RIT2: variants seen among roughly 807,000 people sequenced by gnomAD.
RIT2 encodes the protein Ras like without CAAX 2.
RIT2 carries 24 observed loss-of-function variants against 23.7 expected under a neutral mutation model. The observed-to-expected ratio is 1.01, with a 90% CI of 0.73 to 1.43. The LOEUF (loss-of-function observed/expected upper bound fraction) is 1.43. Among genes scored for constraint, RIT2 ranks in the 40% most tolerant of loss-of-function variants. The pLI, the probability that RIT2 is intolerant of heterozygous loss-of-function variation, is 0.00. For synonymous variants in RIT2, 107 were observed against 91.1 expected, an observed-to-expected ratio of 1.17 and a Z score of -0.99; for missense variants, 236 against 266.9, an observed-to-expected ratio of 0.88 and a Z score of 0.81.
intron 4 of RIT2, among the ~76,000 whole-genome samples, chr18:42,879,262 CT>C (rs1858315576): frequency 6.6e-6 from 1 of 152,078 alleles, no homozygotes; most frequent in Non-Finnish European, 1.5e-5. Context: ...ACATTTTCTC[CT>C]GTATTGTTCT....
chr18:42,751,378 TACAAAC>T (rs1913042043), intron 4 of RIT2, among the ~76,000 whole-genome samples: 1 of 151,870 alleles, frequency 6.6e-6, no homozygotes, highest in African/African-American at 2.4e-5. Context: ...GCATATTTTA[TACAAAC>T]ACATACATAT....
intron 4 of RIT2, among the ~76,000 whole-genome samples, chr18:42,794,963 C>A (rs1488802662): frequency 6.6e-6 from 1 of 152,192 alleles, no homozygotes; most frequent in East Asian, 1.9e-4. Context: ...TTTAATATGT[C>A]AAAGACAGTA....
At chr18:43,057,798 CTT>C (rs11393575) in intron 1 of RIT2, among the ~76,000 whole-genome samples, 25 of 122,632 alleles carry the variant, frequency 2.0e-4, no homozygotes, top group African/African-American at 2.4e-4. Context: ...GTGATGGACA[CTT>C]TTTTTTTTTT....
At chr18:42,963,104 A>C (rs1910129739) in intron 3 of RIT2, among the ~76,000 whole-genome samples, 1 of 152,170 alleles carries the variant, frequency 6.6e-6, no homozygotes, top group Admixed American at 6.5e-5. Context: ...CTAATTGCAG[A>C]ATTGATTTCT....
At chr18:42,836,999 C>T (rs1301262214) in intron 4 of RIT2, among the ~76,000 whole-genome samples, 4 of 152,060 alleles carry the variant, frequency 2.6e-5, no homozygotes, top group African/African-American at 4.8e-5. Context: ...AGACAGCTGT[C>T]GTTTTCTTCT....
chr18:42,925,134 A>G (rs1909149053), intron 3 of RIT2, among the ~76,000 whole-genome samples: 1 of 152,100 alleles, frequency 6.6e-6, no homozygotes, highest in African/African-American at 2.4e-5. Context: ...CATATTACTT[A>G]GCATTAATTT....
Position 43,115,470 on chromosome 18 carries a change from C to T in RIT2, c.50G>A (p.Gly17Glu). Residue 17 changes from glycine to glutamate, a missense_variant, in exon 1 of 5, where the codon GGG (glycine) becomes GAG (glutamate). Transcript: ENST00000326695. ...ASCSPGSASG[G>E]SREYKVVMLG... Reference sequence around the variant, plus strand: ...CATTACCACCTTGTACTCTCTGGACCCGCCTGATGCGCTGCCCGGGGAGCA... The same window carrying T: ...CATTACCACCTTGTACTCTCTGGACTCGCCTGATGCGCTGCCCGGGGAGCA... 6.2e-7 allele frequency: 1 copy of T among 1,613,742 alleles called. No homozygotes were observed. The highest frequency in any genetic ancestry group is 1.3e-5 in the African/African-American group (1 of 75,010).
intron 4 of RIT2, among the ~76,000 whole-genome samples, chr18:42,758,323 T>G (rs1475832395): frequency 1.3e-5 from 2 of 152,166 alleles, no homozygotes; most frequent in Admixed American, 6.5e-5. Flanking sequence ...CCATTTCACC[T>G]CATTCTTCTA....
chr18:43,090,139 A>C (rs1163888575), intron 1 of RIT2, among the ~76,000 whole-genome samples: 3 of 152,016 alleles, frequency 2.0e-5, no homozygotes, highest in Admixed American at 2.0e-4. Context: ...CAAACTATGC[A>C]TCTGACATAG....
At chr18:43,049,972 C>CTTTTTTTTTTTTTTTTTTT (rs755291383) in intron 1 of RIT2, among the ~76,000 whole-genome samples, 2 of 66,010 alleles carry the variant, frequency 3.0e-5, no homozygotes, top group African/African-American at 6.5e-5. Flanking sequence ...AAGGGATTTC[C>CTTTTTTTTTTTTTTTTTTT]TTTTTTTTTT....
At chr18:42,767,121 T>C (rs1913442298) in intron 4 of RIT2, among the ~76,000 whole-genome samples, 1 of 152,126 alleles carries the variant, frequency 6.6e-6, no homozygotes, top group Admixed American at 6.5e-5. Flanking sequence ...CACTGCCTAG[T>C]GGAGCTGTAA....
intron 3 of RIT2, among the ~76,000 whole-genome samples, chr18:42,927,965 C>T (rs544231467): frequency 1.3e-5 from 2 of 152,094 alleles, no homozygotes; most frequent in East Asian, 1.9e-4. Flanking sequence ...CTCCCCGTTG[C>T]ATTCAAGTAG....
chr18:42,991,557 C>T (rs1255495556), intron 2 of RIT2, among the ~76,000 whole-genome samples: 3 of 152,108 alleles, frequency 2.0e-5, no homozygotes, highest in Admixed American at 6.6e-5. Context: ...TGTACAGGGA[C>T]GAGATGGCCG....
intron 4 of RIT2, among the ~76,000 whole-genome samples, chr18:42,852,788 C>T (rs994693748): frequency 1.2e-4 from 14 of 120,670 alleles, no homozygotes; most frequent in East Asian, 5.1e-4. Context: ...TCTCTCCCTC[C>T]CTCCCTCTCT....
chr18:42,918,519 T>C (rs1908971380), intron 4 of RIT2, among the ~76,000 whole-genome samples: 1 of 152,172 alleles, frequency 6.6e-6, no homozygotes, highest in South Asian at 2.1e-4. Context: ...CCCTCATCAT[T>C]TGGAAAATAT....
intron 4 of RIT2, among the ~76,000 whole-genome samples, chr18:42,790,387 GA>G (rs1202186777): frequency 6.6e-6 from 1 of 152,028 alleles, no homozygotes; most frequent in African/African-American, 2.4e-5. Context: ...CTCTAATACA[GA>G]AAAAAACATT....
intron 4 of RIT2, among the ~76,000 whole-genome samples, chr18:42,882,007 C>T (rs1598697925): frequency 6.6e-6 from 1 of 152,314 alleles, no homozygotes; most frequent in South Asian, 2.1e-4. Context: ...TCTTGCTTTT[C>T]TACAGAATAT....
intron 4 of RIT2, among the ~76,000 whole-genome samples, chr18:42,876,381 T>C (rs1405781495): frequency 2.0e-5 from 3 of 151,398 alleles, no homozygotes; most frequent in Non-Finnish European, 4.4e-5. Context: ...ACTACACTGA[T>C]TAGTTGAGAA....
intron 2 of RIT2, among the ~76,000 whole-genome samples, chr18:43,025,226 CAAAAAAAAAACA>C (rs1437895969): frequency 3.7e-5 from 4 of 108,868 alleles, no homozygotes; most frequent in East Asian, 3.0e-4. Flanking sequence ...CAAAACAAAA[CAAAAAAAAAACA>C]AAAAAAAAAA....
Sources: gnomAD v4.1 joint callset for allele counts (sites outside exome capture counted in the v4.1 genomes callset) on GRCh38, gnomAD v4.1.1 for gene constraint, MANE v1.5 for transcripts, NCBI Gene and HGNC (gene_info 2026-07-23, HGNC 2026-07-21) for gene names.